WDR11: variants seen among roughly 807,000 people sequenced by gnomAD.
The protein encoded by WDR11 is WD repeat-containing protein 11.
A neutral mutation model predicts 151.2 loss-of-function variants in WDR11; 83 were observed. The observed-to-expected ratio is 0.55, with a 90% confidence interval of 0.46 to 0.66. The LOEUF (loss-of-function observed/expected upper bound fraction) is 0.66. Ranked by LOEUF, WDR11 falls within the 30% of genes least tolerant of loss-of-function variation. WDR11 has a pLI of 0.00. For synonymous variants in WDR11, 484 were observed against 533.1 expected (o/e 0.91, Z 1.27); for missense variants, 1,301 against 1,480.9 (o/e 0.88, Z 1.99).
rs1480191123 is a variant in WDR11, at chr10:120,880,871, C to T, written c.1709C>T (p.Ala570Val). ...FRGERGNDES[A>V]IEMIKVSHLK... Reference sequence around the variant, plus strand: ...GGTGAAAGAGGCAATGATGAATCTGCCATCGAAATGATTAAAGTATCTCAT... The same window carrying T: ...GGTGAAAGAGGCAATGATGAATCTGTCATCGAAATGATTAAAGTATCTCAT... Residue 570 changes from alanine to valine, a missense_variant, in exon 13 of 29, where the codon GCC becomes GTC. This residue lies in a region of WDR11 where 692 missense variants were observed against 762.5 expected (regional missense o/e 0.91). Coordinates refer to ENST00000263461, the MANE Select transcript of WDR11 (RefSeq NM_018117.12). The T allele has an allele frequency of 6.2e-7, 1 of 1,603,640 alleles. No homozygotes were observed. The highest frequency in any genetic ancestry group is 1.7e-5 in the Admixed American group (1 of 59,468).
intron 11 of WDR11, among the ~76,000 whole-genome samples, chr10:120,875,465 G>C (rs1327073293): frequency 6.6e-6 from 1 of 152,166 alleles, no homozygotes; most frequent in Non-Finnish European, 1.5e-5. Flanking sequence ...TGTCCTATCA[G>C]TGATAGATCG....
At chr10:120,899,828 T>G in intron 19 of WDR11, 2 of 581,122 alleles carry the variant, frequency 3.4e-6, no homozygotes, top group Non-Finnish European at 6.1e-6. Context: ...AAAAGAAAAA[T>G]ATGTTAATCA....
In WDR11 at chr10:120,878,369, A is replaced by G; in HGVS notation, c.1573A>G (p.Ser525Gly). ...SCEVKGIEWT[S>G]LTSFLSFATS... Reference sequence around the variant, plus strand: ...CTATTATAGGGGTATTGAATGGACAAGTTTGACTAGTTTTCTTTCTTTTGC... The same window carrying G: ...CTATTATAGGGGTATTGAATGGACAGGTTTGACTAGTTTTCTTTCTTTTGC... The change falls in exon 12 of 29, where the codon AGT (serine) becomes GGT (glycine). Residue 525 changes from serine to glycine, a missense_variant. Physicochemically the swap from Ser to Gly is moderately conservative, Grantham distance 56 (BLOSUM62 0). Around this residue, in one of 3 missense-constraint regions of WDR11, gnomAD observed 692 missense variants for 762.5 expected, o/e 0.91. Transcript: ENST00000263461. 6.2e-7 allele frequency: 1 copy of G among 1,612,330 alleles called. No homozygotes were observed.
chr10:120,852,597 C>G lies in WDR11; in HGVS notation c.160C>G (p.Leu54Val), dbSNP rs1057464615. 6 of 1,613,876 alleles carry G rather than the reference C, an allele frequency of 3.7e-6. No homozygotes were observed. The highest frequency in any genetic ancestry group is 5.1e-6 in the Non-Finnish European group (6 of 1,179,974). ...GATTGATTCCATTACTGCCCAAACTCTTCAAGTTTTAGAAAAGCATAAAGC... is the reference window on the plus strand; with the variant it reads ...GATTGATTCCATTACTGCCCAAACTGTTCAAGTTTTAGAAAAGCATAAAGC... ...VVIDSITAQT[L>V]QVLEKHKADV... Residue 54 changes from leucine to valine, a missense_variant, in exon 2 of 29, where the codon CTT becomes GTT. By Grantham distance (32) the Leu-to-Val change is conservative. Coordinates refer to ENST00000263461, the MANE Select transcript of WDR11 (RefSeq NM_018117.12).
intron 4 of WDR11, among the ~76,000 whole-genome samples, chr10:120,860,920 C>T (rs1347723671): frequency 1.3e-5 from 2 of 152,150 alleles, no homozygotes; most frequent in African/African-American, 4.8e-5. Flanking sequence ...TCTCAGAACC[C>T]AAAAGGCAGG....
rs1397112576 is a variant in WDR11 at position 120,902,292 on chromosome 10, C to T, written c.2723C>T (p.Thr908Ile). 4.3e-6 allele frequency: 7 copies of T among 1,614,148 alleles called. No individual in the cohort carries two copies. The highest frequency in any genetic ancestry group is 2.2e-5 in the East Asian group (1 of 44,874). The change falls in exon 22 of 29, where the codon ACT becomes ATT. Residue 908 changes from threonine (T) to isoleucine (I), a missense_variant. By Grantham distance (89) the Thr-to-Ile change is moderately conservative. Around this residue, in one of 3 missense-constraint regions of WDR11, gnomAD observed 589 missense variants for 670.6 expected, o/e 0.88. Coordinates refer to ENST00000263461, the MANE Select transcript of WDR11 (RefSeq NM_018117.12). ...AAACTGTTGCTTGATCCAGAATTCA[C>T]TCTCTTGCAGAGGTGCCTGCTTGTT... ...IKKLLLDPEFTLLQRCLLVSR... is the reference protein window; with the variant it reads ...IKKLLLDPEFILLQRCLLVSR...
At chr10:120,865,601 T>A in intron 6 of WDR11, 29 bp from the exon 7 acceptor site, 1 of 1,452,704 alleles carries the variant, frequency 6.9e-7, no homozygotes, top group Non-Finnish European at 9.6e-7. Context: ...TATTGTGTTT[T>A]AAAAAATAAA....
intron 19 of WDR11, among the ~76,000 whole-genome samples, chr10:120,899,048 G>A (rs868742280): frequency 2.0e-5 from 3 of 152,192 alleles, no homozygotes; most frequent in African/African-American, 7.2e-5. Context: ...AGCTAAGGTC[G>A]AGTCCGATAG....
At chr10:120,898,247 G>T (rs952321287) in intron 19 of WDR11, among the ~76,000 whole-genome samples, 2 of 151,940 alleles carry the variant, frequency 1.3e-5, no homozygotes, top group Non-Finnish European at 2.9e-5. Context: ...TACATTTATT[G>T]TAAAATGAAT....
In WDR11 at chr10:120,862,930, C is replaced by G. The variant is rs771423568; in HGVS notation, c.713+9C>G. On this transcript the variant is annotated intron_variant, in intron 5 of 28. Transcript: ENST00000263461. ...ACTCAAGAGAAACCTAGGTAAGTTACAAGTGTAAAATTAACATTCATCTAC... is the reference window on the plus strand; with the variant it reads ...ACTCAAGAGAAACCTAGGTAAGTTAGAAGTGTAAAATTAACATTCATCTAC... 37 of 1,573,296 alleles carry G rather than the reference C, an allele frequency of 2.4e-5. No individual in the cohort carries two copies. In the Admixed American group the frequency reaches 6.2e-4, roughly 26 times the overall value.
intron 28 of WDR11, chr10:120,907,587 CTG>C (rs1192968501): frequency 7.0e-6 from 1 of 143,736 alleles, no homozygotes; most frequent in East Asian, 2.0e-4. Context: ...CCCTCTTTCT[CTG>C]TGTGTGTTTA....
chr10:120,886,544 C>A, intron 15 of WDR11, 145 bp from the exon 16 acceptor site: 1 of 967,548 alleles, frequency 1.0e-6, no homozygotes, highest in Non-Finnish European at 1.5e-6. Context: ...CCATAATTAG[C>A]TGGGCAAATA....
intron 11 of WDR11, among the ~76,000 whole-genome samples, chr10:120,875,568 G>A (rs183541895): frequency 1.3e-5 from 2 of 151,564 alleles, no homozygotes; most frequent in African/African-American, 2.4e-5. Flanking sequence ...GCAATGGCGC[G>A]ATCTCAGCTC....
At chr10:120,885,262 C>G (rs1470917164) in intron 14 of WDR11, 1 of 137,706 alleles carries the variant, frequency 7.3e-6, no homozygotes, top group Non-Finnish European at 1.5e-5. Context: ...GAGTAAGAAA[C>G]AGGATGAAGT....
intron 19 of WDR11, among the ~76,000 whole-genome samples, chr10:120,893,866 G>T (rs1375168270): frequency 1.9e-4 from 29 of 151,060 alleles, no homozygotes; most frequent in Admixed American, 1.9e-3. Context: ...GGGGTTGTTT[G>T]TTTTTTTCTT....
At chr10:120,894,933 A>G (rs1410237540) in intron 19 of WDR11, among the ~76,000 whole-genome samples, 1 of 87,206 alleles carries the variant, frequency 1.1e-5, no homozygotes, top group African/African-American at 7.3e-5. Flanking sequence ...GGAGGGAAGT[A>G]GTTAAGGGTC....
chr10:120,900,536 CA>C (rs1405356843), intron 20 of WDR11, among the ~76,000 whole-genome samples: 2 of 151,888 alleles, frequency 1.3e-5, no homozygotes, highest in Non-Finnish European at 2.9e-5. Context: ...TGCCTCATTG[CA>C]AAAAAATATT....
chr10:120,877,299 C>A (rs1320975289), intron 11 of WDR11, among the ~76,000 whole-genome samples: 1 of 152,140 alleles, frequency 6.6e-6, no homozygotes, highest in African/African-American at 2.4e-5. Flanking sequence ...TACAAAGATA[C>A]TCCATTTTTA....
At chr10:120,903,406 A>C (rs1473273784) in intron 23 of WDR11, among the ~76,000 whole-genome samples, 174 bp downstream of exon 23, 3 of 151,940 alleles carry the variant, frequency 2.0e-5, no homozygotes, top group Non-Finnish European at 4.4e-5. Context: ...GCTACTCAGG[A>C]GGCTGAGGGA....
Sources: allele counts gnomAD v4.1 joint callset (sites outside exome capture counted in the v4.1 genomes callset), GRCh38; gene constraint gnomAD v4.1.1; regional missense constraint gnomAD v4.1.1; transcripts MANE v1.5; gene names NCBI Gene and HGNC (gene_info 2026-07-23, HGNC 2026-07-21).